Variants in SPON1 observed in about 807,000 individuals in gnomAD.
The protein encoded by SPON1 is spondin-1.
Under a neutral mutation model 111.7 loss-of-function variants are expected in SPON1, and 52 were observed. The observed-to-expected ratio is 0.47, with a 90% CI of 0.37 to 0.59. The LOEUF (loss-of-function observed/expected upper bound fraction) is 0.59, where lower values mean the gene tolerates loss of function less well. Ranked by LOEUF, SPON1 falls within the 20% of genes least tolerant of loss-of-function variation. SPON1 has a pLI of 0.00. For missense variants in SPON1, 957 were observed against 1,068.5 expected, an observed-to-expected ratio of 0.90 and a Z score of 1.46; for synonymous variants, 410 against 395.8, an observed-to-expected ratio of 1.04 and a Z score of -0.43.
intron 3 of SPON1, among the ~76,000 whole-genome samples, chr11:14,067,763 G>T (rs1232493610): frequency 6.6e-6 from 1 of 152,232 alleles, no homozygotes; most frequent in Non-Finnish European, 1.5e-5. Context: ...GCAGGAACAG[G>T]ACTATCATGA....
In SPON1 at chr11:14,245,681, C is replaced by T. The variant is rs564692288; in HGVS notation, c.890+2285C>T. Among the ~76,000 whole-genome samples the T allele has an allele frequency of 3.9e-5, 6 of 152,030 alleles. No homozygotes were observed. The South Asian group carries it at 1.2e-3, about 32-fold the overall frequency. Reference sequence around the variant, plus strand: ...AGGGAAAGAGAGACTAGCACTCAGACAGCTGGCCCAGCGCAGCCCAGCTGG... The same window carrying T: ...AGGGAAAGAGAGACTAGCACTCAGATAGCTGGCCCAGCGCAGCCCAGCTGG... On this transcript the variant is annotated intron_variant, in intron 7 of 15. Coordinates refer to ENST00000576479, the MANE Select transcript of SPON1 (RefSeq NM_006108.4).
At chr11:14,090,257 C>T (rs1382058945) in intron 5 of SPON1, among the ~76,000 whole-genome samples, 1 of 151,286 alleles carries the variant, frequency 6.6e-6, no homozygotes, top group Non-Finnish European at 1.5e-5. Flanking sequence ...AACAGCCGCC[C>T]AGTTTTGTGA....
chr11:14,114,044 TGAGTTACA>T (rs1554925744), intron 5 of SPON1, among the ~76,000 whole-genome samples: 1 of 152,246 alleles, frequency 6.6e-6, no homozygotes, highest in Admixed American at 6.5e-5. Context: ...ATTTATCCTT[TGAGTTACA>T]AACAATCCAA....
At chr11:13,991,001 A>G (rs1477688913) in intron 2 of SPON1, among the ~76,000 whole-genome samples, 1 of 152,158 alleles carries the variant, frequency 6.6e-6, no homozygotes, top group Admixed American at 6.6e-5. Context: ...GGCTGCCCTT[A>G]ACATTTTTTC....
At chr11:14,044,678 A>G (rs1564892564) in intron 3 of SPON1, among the ~76,000 whole-genome samples, 1 of 152,220 alleles carries the variant, frequency 6.6e-6, no homozygotes, top group Non-Finnish European at 1.5e-5. Context: ...CACAAAGGCA[A>G]TAATAGAATC....
chr11:14,202,250 A>T (rs781682161), intron 6 of SPON1, among the ~76,000 whole-genome samples: 3 of 152,196 alleles, frequency 2.0e-5, no homozygotes, highest in Non-Finnish European at 4.4e-5. Flanking sequence ...GCTGAGGCTG[A>T]ATGAAGGCTT....
In SPON1 at chr11:14,240,589, TTGTGTGTGTGTGTGTG is replaced by T. The variant is rs56265194; in HGVS notation, c.826-2711_826-2696del. 6.0e-3 allele frequency among the ~76,000 whole-genome samples: 846 copies of T among 140,338 alleles called. 5 individuals are homozygous for T. Among genetic ancestry groups the T allele is most frequent in the African/African-American group, 0.021 (770 of 37,256 alleles). The allele number at this position is 140,338 out of a possible 152,430, so 92.1% of individuals were successfully genotyped here. On this transcript the variant is annotated intron_variant, in intron 6 of 15. Transcript: ENST00000576479. ...TTGGCCAAAAGGCCAAGAAGCAATATTGTGTGTGTGTGTGTGTGTGTGTGTGTGTGTGTGTGTGTGT... is the reference window on the plus strand; with the variant it reads ...TTGGCCAAAAGGCCAAGAAGCAATATTGTGTGTGTGTGTGTGTGTGTGTGT...
At chr11:14,090,823 GGCCCCCCCCCCCCCC>G (rs1191626522) in intron 5 of SPON1, among the ~76,000 whole-genome samples, 1 of 27,054 alleles carries the variant, frequency 3.7e-5, no homozygotes, top group African/African-American at 2.7e-4. Context: ...TCTCTTATCT[GGCCCCCCCCCCCCCC>G]CCCCCCGCCC....
intron 5 of SPON1, among the ~76,000 whole-genome samples, chr11:14,088,684 C>T (rs1849026537): frequency 6.6e-6 from 1 of 152,076 alleles, no homozygotes; most frequent in Non-Finnish European, 1.5e-5. Context: ...GCCTGTCTTG[C>T]TAGATTGGGG....
At chr11:14,097,986 A>G (rs1194594460) in intron 5 of SPON1, among the ~76,000 whole-genome samples, 2 of 152,020 alleles carry the variant, frequency 1.3e-5, no homozygotes. Flanking sequence ...TAATTTTTTT[A>G]ATGGGTGTTG....
At chr11:14,261,938 A>C (rs1849188939) in intron 14 of SPON1, among the ~76,000 whole-genome samples, 1 of 152,192 alleles carries the variant, frequency 6.6e-6, no homozygotes, top group South Asian at 2.1e-4. Flanking sequence ...TGTTGAACTA[A>C]ATGAGGACAT....
intron 6 of SPON1, among the ~76,000 whole-genome samples, chr11:14,141,913 T>C (rs73424137): frequency 0.011 from 1,738 of 152,276 alleles, 35 homozygotes; most frequent in African/African-American, 0.04. Flanking sequence ...CACCAGCTTT[T>C]ATTTATAATA....
chr11:14,252,582 C>A (rs1849064485), intron 7 of SPON1, among the ~76,000 whole-genome samples: 2 of 111,922 alleles, frequency 1.8e-5, no homozygotes, highest in African/African-American at 6.0e-5. Flanking sequence ...CAGCCGAAGG[C>A]AAGACCTGCG....
intron 6 of SPON1, among the ~76,000 whole-genome samples, chr11:14,190,654 T>TC (rs1554934459): frequency 6.6e-6 from 1 of 150,622 alleles, no homozygotes; most frequent in African/African-American, 2.4e-5. Context: ...CTTTTTTTTT[T>TC]TTTTGAGACA....
intron 2 of SPON1, among the ~76,000 whole-genome samples, chr11:13,998,932 A>G (rs761202232): frequency 6.6e-6 from 1 of 152,240 alleles, no homozygotes; most frequent in Non-Finnish European, 1.5e-5. Context: ...TGTATCTATT[A>G]AGTAGTTTTT....
intron 6 of SPON1, among the ~76,000 whole-genome samples, chr11:14,229,799 C>A (rs904091889): frequency 6.6e-6 from 1 of 152,182 alleles, no homozygotes; most frequent in African/African-American, 2.4e-5. Context: ...CTCGGTCTGC[C>A]TATTCCACCA....
In SPON1 at chr11:14,245,271, G is replaced by A. The variant is rs970140282; in HGVS notation, c.890+1875G>A. 5.9e-5 allele frequency among the ~76,000 whole-genome samples: 9 copies of A among 152,114 alleles called. 1 individual carries two copies. The East Asian group carries it at 1.5e-3, about 26-fold the overall frequency. On this transcript the variant is annotated intron_variant, in intron 7 of 15. Coordinates refer to ENST00000576479, the MANE Select transcript of SPON1 (RefSeq NM_006108.4). The stretch of plus-strand genomic sequence containing the variant: ...AGCTACGGCGAGGCACCTGATACCT[G>A]CTCATTTAACCATTCAGCAAACTAA...
intron 3 of SPON1, among the ~76,000 whole-genome samples, chr11:14,057,975 C>A (rs1554919437): frequency 6.6e-6 from 1 of 152,080 alleles, no homozygotes; most frequent in East Asian, 1.9e-4. Flanking sequence ...CATGATTGTG[C>A]CACTGCACTC....
At chr11:14,141,855 G>T (rs567114330) in intron 6 of SPON1, among the ~76,000 whole-genome samples, 1 of 151,976 alleles carries the variant, frequency 6.6e-6, no homozygotes, top group Admixed American at 6.6e-5. Context: ...TTCATGACAT[G>T]CTGCCTCATC....
Sources: allele counts gnomAD v4.1 joint callset (sites outside exome capture counted in the v4.1 genomes callset), GRCh38; gene constraint gnomAD v4.1.1; transcripts MANE v1.5; gene names NCBI Gene and HGNC (gene_info 2026-07-23, HGNC 2026-07-21).